The following CCDC60 variants were observed in gnomAD, a reference collection of about 807,000 sequenced individuals.
CCDC60 encodes the protein coiled-coil domain-containing protein 60.
CCDC60 carries 54 observed loss-of-function variants against 63.5 expected under a neutral mutation model. The observed-to-expected ratio is 0.85, with a 90% CI of 0.68 to 1.07. The LOEUF (loss-of-function observed/expected upper bound fraction) is 1.07, where lower values mean the gene tolerates loss of function less well. Among genes scored for constraint, CCDC60 ranks in the 50% least tolerant of loss-of-function variants. CCDC60 has a pLI of 0.00. For synonymous variants in CCDC60, 206 were observed against 238.8 expected (o/e 0.86, Z 1.27); for missense variants, 651 against 684.3 (o/e 0.95, Z 0.54).
intron 12 of CCDC60, among the ~76,000 whole-genome samples, chr12:119,529,484 G>A (rs141997920): frequency 3.0e-4 from 46 of 152,212 alleles, no homozygotes; most frequent in African/African-American, 8.9e-4. Flanking sequence ...GTGGTGTCCC[G>A]AACCCCATCC....
intron 2 of CCDC60, among the ~76,000 whole-genome samples, chr12:119,464,357 T>C: frequency 7.2e-6 from 1 of 138,534 alleles, no homozygotes; most frequent in African/African-American, 2.7e-5. Context: ...TTTTCTTCCC[T>C]CCCTCCCATT....
Position 119,454,132 on chromosome 12 carries a change from A to T in CCDC60, c.171-17862A>T, listed in dbSNP as rs529685916. ...AGTGATAAGGAAATCATGGCCAGTTAAACCTAGAACAGACCATTTCCAAAA... is the reference window on the plus strand; with the variant it reads ...AGTGATAAGGAAATCATGGCCAGTTTAACCTAGAACAGACCATTTCCAAAA... On this transcript the variant is annotated intron_variant, in intron 2 of 13. Transcript: ENST00000327554. 1.4e-3 allele frequency among the ~76,000 whole-genome samples: 217 copies of T among 152,294 alleles called. 3 individuals carry two copies. The South Asian group carries it at 0.017, about 12-fold the overall frequency.
At chr12:119,428,597 G>A (rs1410735792) in intron 1 of CCDC60, 86 bp from the exon 2 acceptor site, 5 of 889,042 alleles carry the variant, frequency 5.6e-6, no homozygotes, top group Non-Finnish European at 8.9e-6. Context: ...ACATCTCAGA[G>A]AAACCCATGA....
chr12:119,366,246 A>G (rs975168508), intron 1 of CCDC60, among the ~76,000 whole-genome samples: 1 of 152,206 alleles, frequency 6.6e-6, no homozygotes, highest in African/African-American at 2.4e-5. Context: ...AAATATTCCA[A>G]TTAATCCTCA....
intron 2 of CCDC60, among the ~76,000 whole-genome samples, chr12:119,467,015 ACC>A (rs1950965439): frequency 6.6e-6 from 1 of 152,120 alleles, no homozygotes; most frequent in Admixed American, 6.6e-5. Context: ...AAAAGTTACC[ACC>A]TTTTCCCTAG....
intron 1 of CCDC60, among the ~76,000 whole-genome samples, chr12:119,394,773 ACACT>A (rs1243524343): frequency 2.0e-5 from 3 of 152,210 alleles, no homozygotes; most frequent in Admixed American, 2.0e-4. Context: ...CAAGCAACAA[ACACT>A]CACTGATCCC....
chr12:119,471,874 C>T (rs1213874117), intron 2 of CCDC60, 120 bp from the exon 3 acceptor site: 3 of 722,938 alleles, frequency 4.1e-6, no homozygotes, highest in East Asian at 2.7e-5. Context: ...TTCTCTCTAT[C>T]CCTCTTTATC....
intron 1 of CCDC60, among the ~76,000 whole-genome samples, chr12:119,371,659 A>C (rs1283533612): frequency 2.0e-5 from 3 of 152,214 alleles, no homozygotes; most frequent in Admixed American, 2.0e-4. Context: ...TCAATTTTCT[A>C]AAACAAACCA....
At chr12:119,442,905 C>T (rs374330251) in intron 2 of CCDC60, among the ~76,000 whole-genome samples, 1 of 152,234 alleles carries the variant, frequency 6.6e-6, no homozygotes, top group African/African-American at 2.4e-5. Context: ...GCCAGAAATA[C>T]GGTGTAAAGA....
intron 1 of CCDC60, among the ~76,000 whole-genome samples, chr12:119,393,816 G>C (rs140538474): frequency 3.7e-4 from 56 of 152,258 alleles, no homozygotes; most frequent in Middle Eastern, 3.4e-3. Flanking sequence ...AGGAAATAAG[G>C]ATTCATTTAA....
chr12:119,365,558 A>G lies in CCDC60; in HGVS notation c.90+30292A>G, dbSNP rs528513873. Among the ~76,000 whole-genome samples the G allele has an allele frequency of 7.9e-5, 12 of 152,322 alleles. No homozygotes were observed. In the South Asian group the frequency reaches 2.5e-3, roughly 32 times the overall value. On this transcript the variant is annotated intron_variant, in intron 1 of 13. Coordinates refer to ENST00000327554, the MANE Select transcript of CCDC60 (RefSeq NM_178499.5). ...TGTTTTGCGGTCAGAGGCAAGGGCTAAAAGAAAGCAAGATCAGAGAAATAC... is the reference window on the plus strand; with the variant it reads ...TGTTTTGCGGTCAGAGGCAAGGGCTGAAAGAAAGCAAGATCAGAGAAATAC...
intron 1 of CCDC60, among the ~76,000 whole-genome samples, chr12:119,365,329 T>G (rs1565972365): frequency 2.0e-5 from 3 of 152,230 alleles, no homozygotes; most frequent in Non-Finnish European, 1.5e-5. Context: ...TAAAAAAAAG[T>G]TCTATTTATT....
intron 2 of CCDC60, among the ~76,000 whole-genome samples, chr12:119,453,726 T>C (rs1375232935): frequency 6.6e-6 from 1 of 151,850 alleles, no homozygotes; most frequent in Non-Finnish European, 1.5e-5. Context: ...GCAAGAAAGT[T>C]GTACCAGAAG....
chr12:119,357,412 T>C (rs1277779563), intron 1 of CCDC60, among the ~76,000 whole-genome samples: 1 of 152,084 alleles, frequency 6.6e-6, no homozygotes, highest in Non-Finnish European at 1.5e-5. Flanking sequence ...CACCCATATC[T>C]TTCCCAGGCT....
At chr12:119,339,078 C>T (rs1488442888) in intron 1 of CCDC60, among the ~76,000 whole-genome samples, 1 of 152,024 alleles carries the variant, frequency 6.6e-6, no homozygotes, top group Non-Finnish European at 1.5e-5. Context: ...TTAAAGAAAC[C>T]GTCTAGCTTG....
At chr12:119,502,834 T>C (rs910939926) in intron 6 of CCDC60, among the ~76,000 whole-genome samples, 1 of 152,172 alleles carries the variant, frequency 6.6e-6, no homozygotes, top group African/African-American at 2.4e-5. Flanking sequence ...ACTGCAAGAT[T>C]CCAAGCTGCC....
chr12:119,398,630 A>G lies in CCDC60; in HGVS notation c.91-30053A>G, dbSNP rs542545012. ...ATCCTGGGCAGCAGAGCAAAACTCCATTCCTTTAAAAAAATCAAATTGCTC... is the reference window on the plus strand; with the variant it reads ...ATCCTGGGCAGCAGAGCAAAACTCCGTTCCTTTAAAAAAATCAAATTGCTC... On this transcript the variant is annotated intron_variant, in intron 1 of 13. Coordinates refer to ENST00000327554, the MANE Select transcript of CCDC60 (RefSeq NM_178499.5). Among the ~76,000 whole-genome samples, 7 of 152,342 alleles carry G rather than the reference A, an allele frequency of 4.6e-5. No homozygotes were observed. The South Asian group carries it at 1.4e-3, about 32-fold the overall frequency.
chr12:119,413,043 T>C (rs1044427608), intron 1 of CCDC60, among the ~76,000 whole-genome samples: 2 of 152,112 alleles, frequency 1.3e-5, no homozygotes, highest in African/African-American at 4.8e-5. Context: ...GGCTCCTGTT[T>C]CCTGAAGCTC....
chr12:119,497,752 A>G (rs1269121625), intron 5 of CCDC60, among the ~76,000 whole-genome samples: 3 of 25,976 alleles, frequency 1.2e-4, no homozygotes, highest in East Asian at 0.02. Flanking sequence ...TCCAAAGTGA[A>G]AAAAAAAAAA....
Sources: gnomAD v4.1 joint callset for allele counts (sites outside exome capture counted in the v4.1 genomes callset) on GRCh38, gnomAD v4.1.1 for gene constraint, MANE v1.5 for transcripts, NCBI Gene and HGNC (gene_info 2026-07-23, HGNC 2026-07-21) for gene names.